SLC4A10: variants seen among roughly 807,000 people sequenced by gnomAD.
SLC4A10 encodes sodium-driven chloride bicarbonate exchanger.
In SLC4A10, 42 loss-of-function variants were observed where a neutral mutation model predicts 137.7. The observed-to-expected ratio is 0.30, with a 90% confidence interval of 0.24 to 0.39. The LOEUF (loss-of-function observed/expected upper bound fraction) is 0.39, where lower values mean the gene tolerates loss of function less well. Among genes scored for constraint, SLC4A10 ranks in the 10% least tolerant of loss-of-function variants. The pLI is 1.00. For missense variants in SLC4A10, 925 were observed against 1,355.0 expected (o/e 0.68, Z 4.98); for synonymous variants, 474 against 464.1 (o/e 1.02, Z -0.27).
At chr2:161,802,429 A>G (rs2055471915) in intron 2 of SLC4A10, among the ~76,000 whole-genome samples, 1 of 152,138 alleles carries the variant, frequency 6.6e-6, no homozygotes, top group African/African-American at 2.4e-5. Flanking sequence ...AAGTACAAAT[A>G]TATCCACTAA....
intron 15 of SLC4A10, among the ~76,000 whole-genome samples, chr2:161,925,505 C>T (rs958481739): frequency 1.3e-5 from 2 of 152,190 alleles, no homozygotes; most frequent in Non-Finnish European, 1.5e-5. Flanking sequence ...AAAACCAGCT[C>T]CTGGATTCAT....
chr2:161,638,849 AT>A (rs2034849015), intron 1 of SLC4A10, among the ~76,000 whole-genome samples: 1 of 134,630 alleles, frequency 7.4e-6, no homozygotes, highest in Admixed American at 8.4e-5. Context: ...GGTTAAATTT[AT>A]TTATAGGTAT....
chr2:161,676,882 G>T (rs1224521332), intron 1 of SLC4A10, among the ~76,000 whole-genome samples: 1 of 152,018 alleles, frequency 6.6e-6, no homozygotes, highest in Non-Finnish European at 1.5e-5. Context: ...GTAATTCTGG[G>T]TAAATAACTA....
At position 161,983,442 on chromosome 2, in the gene SLC4A10, A is replaced by G. The variant is rs1166299087; in HGVS notation, c.*290A>G. On this transcript the variant is annotated 3_prime_UTR_variant, in exon 27 of 27. Transcript: ENST00000446997. ...ATCCCTGTGAGCAGATACAATAGCC[A>G]ATGCAAGAATCTGTGTGTTCCTTGC... The G allele has an allele frequency of 3.6e-6, 2 of 554,142 alleles. No homozygotes were observed. The highest frequency in any genetic ancestry group is 3.0e-5 in the East Asian group (1 of 32,834). 34.3% of individuals were successfully genotyped at this position (554,142 alleles called of 1,614,324 possible). A position where few individuals can be genotyped will look rare whatever the true frequency, so the allele number is the denominator to read the frequency against.
At position 161,831,715 on chromosome 2, in the gene SLC4A10, T is replaced by C. The variant is rs545724432; in HGVS notation, c.278-8074T>C. Among the ~76,000 whole-genome samples the C allele has an allele frequency of 2.6e-5, 4 of 152,126 alleles. No homozygotes were observed. The South Asian group carries it at 8.3e-4, about 32-fold the overall frequency. ...AAGCAAAATCCCAAGAATTCTTTTT[T>C]CCCCCCTCAAAGAATGCGTTGAAGA... On this transcript the variant is annotated intron_variant, in intron 3 of 26. Transcript: ENST00000446997.
At chr2:161,790,388 G>GT (rs2054070067) in intron 2 of SLC4A10, among the ~76,000 whole-genome samples, 1 of 152,112 alleles carries the variant, frequency 6.6e-6, no homozygotes, top group African/African-American at 2.4e-5. Flanking sequence ...TATTTCAAAT[G>GT]TTTTTTCTTT....
chr2:161,833,976 G>C (rs946822524), intron 3 of SLC4A10, among the ~76,000 whole-genome samples: 1 of 152,132 alleles, frequency 6.6e-6, no homozygotes, highest in Non-Finnish European at 1.5e-5. Context: ...CCTCTATGTG[G>C]ATAATAAGAT....
intron 1 of SLC4A10, among the ~76,000 whole-genome samples, chr2:161,732,177 A>G (rs567368064): frequency 7.6e-4 from 116 of 152,266 alleles, no homozygotes; most frequent in Admixed American, 5.5e-3. Context: ...GCCATAATTG[A>G]GTAAATCATT....
intron 15 of SLC4A10, among the ~76,000 whole-genome samples, chr2:161,932,107 T>C (rs145432961): frequency 1.3e-5 from 2 of 152,300 alleles, no homozygotes; most frequent in Non-Finnish European, 2.9e-5. Context: ...TGGGCCTTTT[T>C]TTTCTGAGAT....
chr2:161,755,744 T>C (rs1165079491), intron 1 of SLC4A10, among the ~76,000 whole-genome samples: 1 of 152,124 alleles, frequency 6.6e-6, no homozygotes, highest in Non-Finnish European at 1.5e-5. Flanking sequence ...TTTTCTTTAC[T>C]GTCTGTTGTC....
chr2:161,658,988 G>A (rs923319656), intron 1 of SLC4A10, among the ~76,000 whole-genome samples: 1 of 152,102 alleles, frequency 6.6e-6, no homozygotes, highest in African/African-American at 2.4e-5. Flanking sequence ...ATGAAAAACA[G>A]TGTGGAGATT....
Position 161,953,194 on chromosome 2 carries a change from A to G in SLC4A10, c.2541+2346A>G, listed in dbSNP as rs555848913. On this transcript the variant is annotated intron_variant, in intron 19 of 26. Transcript: ENST00000446997. ...TCTACATACACCCAAGTCAACTCAGAATTCCTCATTTCATTCTTTATCTCT... is the reference window on the plus strand; with the variant it reads ...TCTACATACACCCAAGTCAACTCAGGATTCCTCATTTCATTCTTTATCTCT... Among the ~76,000 whole-genome samples the G allele has an allele frequency of 3.3e-5, 5 of 152,238 alleles. 1 individual carries two copies. Among genetic ancestry groups the G allele is most frequent in the African/African-American group, 1.2e-4 (5 of 41,556 alleles).
At chr2:161,645,154 G>GTGTC (rs2035862161) in intron 1 of SLC4A10, among the ~76,000 whole-genome samples, 1 of 152,100 alleles carries the variant, frequency 6.6e-6, no homozygotes, top group South Asian at 2.1e-4. Context: ...AAAAAAGTGT[G>GTGTC]TGTCAGGCCA....
At chr2:161,869,774 T>A (rs1028450200) in intron 6 of SLC4A10, among the ~76,000 whole-genome samples, 2 of 151,670 alleles carry the variant, frequency 1.3e-5, no homozygotes, top group Non-Finnish European at 3.0e-5. Flanking sequence ...GGACTTTTGA[T>A]GTGATTAAAT....
intron 1 of SLC4A10, among the ~76,000 whole-genome samples, chr2:161,729,410 T>C (rs1244802481): frequency 1.3e-5 from 2 of 152,136 alleles, no homozygotes; most frequent in Non-Finnish European, 2.9e-5. Flanking sequence ...AGGTATAGCA[T>C]AAAGGAATTT....
intron 3 of SLC4A10, among the ~76,000 whole-genome samples, chr2:161,825,819 C>G (rs1054019482): frequency 6.6e-6 from 1 of 152,162 alleles, no homozygotes; most frequent in South Asian, 2.1e-4. Context: ...ACAGCTCTTT[C>G]CGAAGAACTC....
At chr2:161,964,997 C>A in intron 22 of SLC4A10, 54 bp from the exon 23 acceptor site, 1 of 1,540,148 alleles carries the variant, frequency 6.5e-7, no homozygotes, top group Non-Finnish European at 8.9e-7. Flanking sequence ...GGCAAATCTA[C>A]ACCTCTCGTT....
rs902996567 is a variant in SLC4A10 at position 161,985,039 on chromosome 2, C to T, written c.*1887C>T. 1 of 151,920 alleles carries T rather than the reference C, an allele frequency of 6.6e-6. No individual in the cohort carries two copies. The highest frequency in any genetic ancestry group is 2.4e-5 in the African/African-American group (1 of 41,414). 9.4% of individuals were successfully genotyped at this position (151,920 alleles called of 1,614,324 possible). ...TTTTGTTCTTGTGTGAATTTTAAAG[C>T]TATCCCTATGTTAATCCTAATATTT... On this transcript the variant is annotated 3_prime_UTR_variant, in exon 27 of 27. Coordinates refer to ENST00000446997, the MANE Select transcript of SLC4A10 (RefSeq NM_001178015.2).
chr2:161,879,660 T>A (rs2061643805), intron 9 of SLC4A10, among the ~76,000 whole-genome samples: 3 of 150,952 alleles, frequency 2.0e-5, no homozygotes. Context: ...TGTGCATGAG[T>A]GCGGTCAAAC....
Sources: allele counts gnomAD v4.1 joint callset (sites outside exome capture counted in the v4.1 genomes callset), GRCh38; gene constraint gnomAD v4.1.1; transcripts MANE v1.5; gene names NCBI Gene and HGNC (gene_info 2026-07-23, HGNC 2026-07-21).